Variants in ATP10D observed in about 807,000 individuals in gnomAD.
The protein encoded by ATP10D is phospholipid-transporting ATPase VD.
A neutral mutation model predicts 144.8 loss-of-function variants in ATP10D; 89 were observed. The observed-to-expected ratio is 0.61, with a 90% CI of 0.52 to 0.73. The LOEUF (loss-of-function observed/expected upper bound fraction) is 0.73. ATP10D is among the 30% of genes least tolerant of loss of function. The pLI is 0.00. For missense variants in ATP10D, 1,603 were observed against 1,714.8 expected (o/e 0.93, Z 1.15); for synonymous variants, 571 against 615.1 (o/e 0.93, Z 1.06).
At chr4:47,588,884 T>TA (rs1030256309) in intron 22 of ATP10D, among the ~76,000 whole-genome samples, 3 of 152,182 alleles carry the variant, frequency 2.0e-5, no homozygotes, top group Admixed American at 1.3e-4. Flanking sequence ...CGTGGTATGC[T>TA]AAAAAATGAC....
In ATP10D at chr4:47,591,216, A is replaced by G; in HGVS notation, c.4116A>G (p.Gly1372=). Residue 1372 remains glycine (G), a synonymous_variant, in exon 23 of 23, where the codon GGA becomes GGG. Coordinates refer to ENST00000273859, the MANE Select transcript of ATP10D (RefSeq NM_020453.4). ...CTAACCAATCAGCTGGCAAGTCAGG[A>G]AGAAGACCCATGCCTGGCCCTTCTG... ...KYANQSAGKS[G]RRPMPGPSAV... is the part of the protein sequence containing the mutation. The G allele has an allele frequency of 6.2e-7, 1 of 1,613,610 alleles. No homozygotes were observed. The highest frequency in any genetic ancestry group is 8.5e-7 in the Non-Finnish European group (1 of 1,179,622).
At position 47,568,821 on chromosome 4, in the gene ATP10D, T is replaced by TG. The variant is rs1465509984; in HGVS notation, c.2854-15dup. 1 of 1,605,320 alleles carries TG rather than the reference T, an allele frequency of 6.2e-7. No homozygotes were observed. Among genetic ancestry groups the TG allele is most frequent in the African/African-American group, 1.3e-5 (1 of 74,622 alleles). On this transcript the variant is annotated splice_polypyrimidine_tract_variant and intron_variant, in intron 15 of 22. Transcript: ENST00000273859. ...AGGGCGCCTGGAGGCTAACCACCTT[T>TG]GCCTCTTGTTTCAAGGATGCCTGTG...
At chr4:47,509,212 A>G (rs993865081) in intron 1 of ATP10D, among the ~76,000 whole-genome samples, 8 of 146,480 alleles carry the variant, frequency 5.5e-5, no homozygotes, top group African/African-American at 1.0e-4. Flanking sequence ...TAAATCTGAT[A>G]TTTTCAAACA....
chr4:47,533,153 G>T (rs1252174970), intron 5 of ATP10D, among the ~76,000 whole-genome samples: 1 of 152,074 alleles, frequency 6.6e-6, no homozygotes, highest in African/African-American at 2.4e-5. Flanking sequence ...CTTTGGAATT[G>T]ATGATTTCAT....
intron 1 of ATP10D, among the ~76,000 whole-genome samples, chr4:47,503,461 T>C (rs1218767332): frequency 2.0e-5 from 3 of 152,244 alleles, no homozygotes; most frequent in Non-Finnish European, 4.4e-5. Flanking sequence ...GTTGACCTTT[T>C]TCCATTTAGG....
chr4:47,587,991 A>G (rs1720867263), intron 22 of ATP10D, among the ~76,000 whole-genome samples: 2 of 151,010 alleles, frequency 1.3e-5, no homozygotes, highest in African/African-American at 5.0e-5. Context: ...TTTGTTTTTC[A>G]TGTAGTGGCA....
In ATP10D at chr4:47,515,468, G is replaced by C; in HGVS notation, c.291-8G>C. ...CTTAACACCTCCCTTTGTGTGTTTG[G>C]GTTGCAGAGCTGCCAATTTATATTT... On this transcript the variant is annotated splice_region_variant and splice_polypyrimidine_tract_variant and intron_variant, in intron 2 of 22. Coordinates refer to ENST00000273859, the MANE Select transcript of ATP10D (RefSeq NM_020453.4). The C allele has an allele frequency of 6.2e-7, 1 of 1,606,166 alleles. No homozygotes were observed. Among genetic ancestry groups the C allele is most frequent in the South Asian group, 1.1e-5 (1 of 90,248 alleles).
intron 13 of ATP10D, among the ~76,000 whole-genome samples, chr4:47,559,267 G>A (rs560097433): frequency 1.3e-5 from 2 of 152,128 alleles, no homozygotes; most frequent in Non-Finnish European, 2.9e-5. Flanking sequence ...CAATATGTCC[G>A]TGAGTGACTT....
Position 47,593,364 on chromosome 4 carries a change from TTAATG to T in ATP10D, c.*1988_*1992del, listed in dbSNP as rs1198828550. 9 of 152,128 alleles carry T rather than the reference TTAATG, an allele frequency of 5.9e-5. No homozygotes were observed. 9.4% of individuals were successfully genotyped at this position (152,128 alleles called of 1,614,324 possible). On this transcript the variant is annotated 3_prime_UTR_variant, in exon 23 of 23. Transcript: ENST00000273859. ...ATGTAAAGCTATTTATGTACTTTGC[TTAATG>T]TAATCATTCATATACTTTGCTACAA...
intron 13 of ATP10D, among the ~76,000 whole-genome samples, chr4:47,560,544 G>C (rs1402908711): frequency 6.6e-6 from 1 of 152,102 alleles, no homozygotes; most frequent in Non-Finnish European, 1.5e-5. Flanking sequence ...GGTATGAAAG[G>C]TGCTGCTGGT....
intron 22 of ATP10D, among the ~76,000 whole-genome samples, chr4:47,589,712 A>G (rs1443062527): frequency 9.2e-5 from 14 of 152,132 alleles, no homozygotes; most frequent in Admixed American, 9.2e-4. Flanking sequence ...AAAGGTTTCC[A>G]TATTTCTCTG....
At chr4:47,509,943 GGTGTGTGTGTGTGTGT>G (rs67386792) in intron 1 of ATP10D, among the ~76,000 whole-genome samples, 6 of 143,816 alleles carry the variant, frequency 4.2e-5, no homozygotes, top group East Asian at 2.1e-4. Context: ...TTGTTTCAGG[GGTGTGTGTGTGTGTGT>G]GTGTGTGTGT....
At chr4:47,565,956 T>C (rs1472667828) in intron 15 of ATP10D, among the ~76,000 whole-genome samples, 1 of 152,238 alleles carries the variant, frequency 6.6e-6, no homozygotes, top group Admixed American at 6.5e-5. Flanking sequence ...AATTTAGTTT[T>C]ATCACAACTC....
chr4:47,533,596 A>G (rs1364070346), intron 5 of ATP10D, among the ~76,000 whole-genome samples: 1 of 152,200 alleles, frequency 6.6e-6, no homozygotes, highest in Non-Finnish European at 1.5e-5. Flanking sequence ...CTAGAAAACA[A>G]CCTAATTTTC....
intron 19 of ATP10D, 82 bp from the exon 20 acceptor site, chr4:47,580,316 A>C (rs1720446053): frequency 5.4e-6 from 6 of 1,114,890 alleles, no homozygotes. Flanking sequence ...CAGAGAAACA[A>C]ATGTAAGTAC....
chr4:47,567,348 C>T (rs1399701820), intron 15 of ATP10D, among the ~76,000 whole-genome samples: 2 of 152,130 alleles, frequency 1.3e-5, no homozygotes, highest in African/African-American at 2.4e-5. Context: ...TAAACACATA[C>T]TCAAATAAAT....
chr4:47,516,855 T>G (rs1325252662), intron 3 of ATP10D, among the ~76,000 whole-genome samples: 3 of 152,224 alleles, frequency 2.0e-5, no homozygotes, highest in Non-Finnish European at 4.4e-5. Flanking sequence ...TGGTTTTCAT[T>G]TAAAGGCATA....
At chr4:47,525,826 T>C (rs1294162755) in intron 5 of ATP10D, among the ~76,000 whole-genome samples, 184 bp downstream of exon 5, 1 of 152,260 alleles carries the variant, frequency 6.6e-6, no homozygotes, top group Non-Finnish European at 1.5e-5. Flanking sequence ...CACACACACA[T>C]ACACATATAA....
Position 47,557,965 on chromosome 4 carries a change from C to CA in ATP10D, c.2127dup (p.Glu710ArgfsTer15), listed in dbSNP as rs1719074852. 12 of 1,614,170 alleles carry CA rather than the reference C, an allele frequency of 7.4e-6. No homozygotes were observed. Among genetic ancestry groups the CA allele is most frequent in the Non-Finnish European group, 9.3e-6 (11 of 1,180,016 alleles). On this transcript the variant is annotated frameshift_variant, in exon 12 of 23. Transcript: ENST00000273859. LOFTEE classifies it high-confidence loss of function. The stretch of plus-strand genomic sequence containing the variant: ...GATGCAGGCCTCCTGAATGGCAAGG[C>CA]AGAGTCCCTCCCTGGACAGCCATTG...
Sources: allele counts gnomAD v4.1 joint callset (sites outside exome capture counted in the v4.1 genomes callset), GRCh38; gene constraint gnomAD v4.1.1; transcripts MANE v1.5; gene names NCBI Gene and HGNC (gene_info 2026-07-23, HGNC 2026-07-21).